Variants in BRINP3 observed in about 807,000 individuals in gnomAD.
BRINP3 encodes BMP/retinoic acid-inducible neural-specific protein 3.
In BRINP3, 19 loss-of-function variants were observed where a neutral mutation model predicts 71.0. The observed-to-expected ratio is 0.27, with a 90% CI of 0.19 to 0.39. The LOEUF (loss-of-function observed/expected upper bound fraction) is 0.39. Ranked by LOEUF, BRINP3 falls within the 10% of genes least tolerant of loss-of-function variation. The probability of loss-of-function intolerance (pLI) is 1.00; values close to 1 mark genes in which losing one functional copy is unlikely to be tolerated. For missense variants in BRINP3, 959 were observed against 940.8 expected (o/e 1.02, Z -0.25); for synonymous variants, 380 against 337.7 (o/e 1.13, Z -1.37).
intron 2 of BRINP3, among the ~76,000 whole-genome samples, chr1:190,291,577 G>A (rs1479603471): frequency 1.3e-5 from 2 of 151,958 alleles, no homozygotes; most frequent in Non-Finnish European, 2.9e-5. Context: ...TAATCATCAG[G>A]GAAATGCAAA....
At chr1:190,142,046 A>G (rs1395546048) in intron 7 of BRINP3, among the ~76,000 whole-genome samples, 1 of 152,122 alleles carries the variant, frequency 6.6e-6, no homozygotes, top group African/African-American at 2.4e-5. Context: ...TTCCAGAAGA[A>G]AATATGGGAG....
intron 7 of BRINP3, among the ~76,000 whole-genome samples, chr1:190,129,318 G>C (rs968987981): frequency 6.6e-6 from 1 of 151,646 alleles, no homozygotes; most frequent in Non-Finnish European, 1.5e-5. Flanking sequence ...AAGAAACAGA[G>C]TTATCTTTTA....
At chr1:190,408,591 A>G (rs1672458282) in intron 2 of BRINP3, among the ~76,000 whole-genome samples, 1 of 152,192 alleles carries the variant, frequency 6.6e-6, no homozygotes, top group Non-Finnish European at 1.5e-5. Context: ...AATTCAGCTG[A>G]TTAATTTAAA....
In BRINP3 at chr1:190,354,667, G is replaced by A. The variant is rs546210859; in HGVS notation, c.237-72917C>T. 5.3e-5 allele frequency among the ~76,000 whole-genome samples: 8 copies of A among 151,624 alleles called. No individual in the cohort carries two copies. In the East Asian group the frequency reaches 9.7e-4, roughly 18 times the overall value. ...ATTAATTGCCACCCTTTGTACAGTC[G>A]TGATACCTCACTAAATATTTTTTGT... On this transcript the variant is annotated intron_variant, in intron 2 of 7. Transcript: ENST00000367462.
chr1:190,350,185 C>G (rs547916244), intron 2 of BRINP3, among the ~76,000 whole-genome samples: 1 of 152,032 alleles, frequency 6.6e-6, no homozygotes, highest in African/African-American at 2.4e-5. Flanking sequence ...AAGGCTAAAG[C>G]AGACAAACAG....
At chr1:190,447,841 C>T (rs968918794) in intron 2 of BRINP3, among the ~76,000 whole-genome samples, 1 of 151,522 alleles carries the variant, frequency 6.6e-6, no homozygotes, top group South Asian at 2.1e-4. Context: ...TAAATTATAG[C>T]TCATCCTAAT....
intron 2 of BRINP3, among the ~76,000 whole-genome samples, chr1:190,412,656 G>T (rs1672766298): frequency 6.6e-6 from 1 of 150,620 alleles, no homozygotes; most frequent in South Asian, 2.1e-4. Context: ...TAGAGACGGG[G>T]TTTCACCGTT....
intron 2 of BRINP3, among the ~76,000 whole-genome samples, chr1:190,395,357 A>C (rs892923155): frequency 2.0e-5 from 3 of 151,702 alleles, no homozygotes; most frequent in African/African-American, 4.8e-5. Context: ...CAGCTAAAAG[A>C]AGAAAAATCT....
intron 7 of BRINP3, among the ~76,000 whole-genome samples, chr1:190,107,824 A>T (rs1652313409): frequency 1.3e-5 from 2 of 151,570 alleles, no homozygotes; most frequent in South Asian, 4.2e-4. Flanking sequence ...ACTCTTAAAA[A>T]CTCTTTTACT....
chr1:190,186,287 A>G (rs1039134274), intron 6 of BRINP3, among the ~76,000 whole-genome samples: 1 of 152,086 alleles, frequency 6.6e-6, no homozygotes, highest in Non-Finnish European at 1.5e-5. Context: ...CTGAGGCTTG[A>G]ACCCAGAAGG....
chr1:190,323,597 CA>C (rs60597619), intron 2 of BRINP3, among the ~76,000 whole-genome samples: 12,028 of 126,302 alleles, frequency 0.095, 503 homozygotes, highest in Non-Finnish European at 0.1. Flanking sequence ...TAAGAAAATA[CA>C]AAAAAAAAAA....
Position 190,264,854 on chromosome 1 carries a change from C to G in BRINP3, c.618+11G>C. 9 of 1,608,278 alleles carry G rather than the reference C, an allele frequency of 5.6e-6. No individual in the cohort carries two copies. The highest frequency in any genetic ancestry group is 7.6e-6 in the Non-Finnish European group (9 of 1,177,250). On this transcript the variant is annotated intron_variant, in intron 4 of 7. Coordinates refer to ENST00000367462, the MANE Select transcript of BRINP3 (RefSeq NM_199051.3). ...TGGAAGGTGATAATTTTAGCGTAAA[C>G]TCATTCTTACCTTTATGGCAGTGGA... is the stretch of plus-strand genomic sequence containing the variant.
At chr1:190,152,531 A>ACCCCCCCC (rs71123074) in intron 7 of BRINP3, among the ~76,000 whole-genome samples, 1 of 84,650 alleles carries the variant, frequency 1.2e-5, no homozygotes, top group East Asian at 3.7e-4. Context: ...ATCTCCCCCA[A>ACCCCCCCC]CCCCCCCCCC....
chr1:190,460,552 G>C (rs997582917), intron 1 of BRINP3, among the ~76,000 whole-genome samples: 2 of 152,032 alleles, frequency 1.3e-5, no homozygotes, highest in African/African-American at 4.8e-5. Context: ...AAATCTTATT[G>C]ATCAATTGCA....
chr1:190,392,058 C>CA (rs11307676), intron 2 of BRINP3, among the ~76,000 whole-genome samples: 26,321 of 149,624 alleles, frequency 0.18, 2,363 homozygotes, highest in African/African-American at 0.22. Flanking sequence ...TTAGCTTGGC[C>CA]AAAAAAAAAA....
intron 2 of BRINP3, among the ~76,000 whole-genome samples, chr1:190,298,148 C>T (rs1185764625): frequency 2.6e-5 from 4 of 152,092 alleles, no homozygotes; most frequent in Admixed American, 2.6e-4. Flanking sequence ...TAAGTATCCT[C>T]TTAATTAATT....
chr1:190,202,198 C>T (rs1655066794), intron 6 of BRINP3, among the ~76,000 whole-genome samples: 2 of 152,150 alleles, frequency 1.3e-5, no homozygotes, highest in East Asian at 1.9e-4. Context: ...GGATGTGAGA[C>T]ATGAAGTCAA....
intron 2 of BRINP3, among the ~76,000 whole-genome samples, chr1:190,317,839 G>T (rs1665987499): frequency 6.6e-6 from 1 of 151,970 alleles, no homozygotes; most frequent in African/African-American, 2.4e-5. Flanking sequence ...GAGTAGAATT[G>T]TTCATCCATG....
At chr1:190,319,152 C>T (rs530615596) in intron 2 of BRINP3, among the ~76,000 whole-genome samples, 15 of 152,246 alleles carry the variant, frequency 9.9e-5, no homozygotes, top group African/African-American at 2.6e-4. Flanking sequence ...GTGCCTGACT[C>T]AAATATCGCA....
Sources: allele counts gnomAD v4.1 joint callset (sites outside exome capture counted in the v4.1 genomes callset), GRCh38; gene constraint gnomAD v4.1.1; transcripts MANE v1.5; gene names NCBI Gene and HGNC (gene_info 2026-07-23, HGNC 2026-07-21).